UEVLD: variants seen among roughly 807,000 people sequenced by gnomAD.
UEVLD encodes the protein UEV and lactate/malate dehyrogenase domains.
Under a neutral mutation model 58.6 loss-of-function variants are expected in UEVLD, and 47 were observed. That is an observed-to-expected ratio of 0.80 (90% CI 0.63 to 1.02). UEVLD has a LOEUF of 1.02. Among genes scored for constraint, UEVLD ranks in the 50% least tolerant of loss-of-function variants. UEVLD has a pLI of 0.00. For synonymous variants in UEVLD, 197 were observed against 195.3 expected (o/e 1.01, Z -0.07); for missense variants, 510 against 550.6 (o/e 0.93, Z 0.74).
intron 6 of UEVLD, chr11:18,564,132 T>A (rs1049738716): frequency 2.3e-5 from 4 of 171,216 alleles, no homozygotes; most frequent in African/African-American, 9.4e-5. Context: ...TCTAGCTCCA[T>A]GGATATAATT....
chr11:18,571,262 G>A (rs1429700833), intron 3 of UEVLD, among the ~76,000 whole-genome samples: 1 of 152,048 alleles, frequency 6.6e-6, no homozygotes, highest in Non-Finnish European at 1.5e-5. Flanking sequence ...CACAAGAATG[G>A]CTTGAACTCA....
Position 18,530,277 on chromosome 11 carries a change from T to C in UEVLD, c.*2043A>G, listed in dbSNP as rs1850515167. ...AACTAATTCACGTGCATATTGAAAT[T>C]AGATAGAACTAAATGCTTTTCTCTT... On this transcript the variant is annotated 3_prime_UTR_variant, in exon 12 of 12. Coordinates refer to ENST00000396197, the MANE Select transcript of UEVLD (RefSeq NM_001040697.4). 1 of 152,224 alleles carries C rather than the reference T, an allele frequency of 6.6e-6. No individual in the cohort carries two copies. Among genetic ancestry groups the C allele is most frequent in the African/African-American group, 2.4e-5 (1 of 41,470 alleles). 9.4% of individuals were successfully genotyped at this position (152,224 alleles called of 1,614,324 possible).
intron 9 of UEVLD, among the ~76,000 whole-genome samples, chr11:18,538,031 T>C (rs1159729571): frequency 6.6e-6 from 1 of 152,258 alleles, no homozygotes; most frequent in Admixed American, 6.5e-5. Context: ...CTGTTTCTCA[T>C]CTGTGTGAAG....
chr11:18,549,813 T>C (rs968967648), intron 7 of UEVLD, among the ~76,000 whole-genome samples: 6 of 151,972 alleles, frequency 3.9e-5, no homozygotes, highest in Non-Finnish European at 7.4e-5. Flanking sequence ...TCTGAGTTTA[T>C]TTTTTATTTA....
rs2133944739 is a variant in UEVLD at position 18,531,359 on chromosome 11, T to C, written c.*961A>G. 1 of 152,352 alleles carries C rather than the reference T, an allele frequency of 6.6e-6. No individual in the cohort carries two copies. The highest frequency in any genetic ancestry group is 1.5e-5 in the Non-Finnish European group (1 of 68,030). The allele number at this position is 152,352 out of a possible 1,614,324, so 9.4% of individuals were successfully genotyped here. A position where few individuals can be genotyped will look rare whatever the true frequency, so the allele number is the denominator to read the frequency against. ...TGATGTTAACTGTTACTATTAGTTG[T>C]ATGTCACAATAGTAATAATAAGCTA... On this transcript the variant is annotated 3_prime_UTR_variant, in exon 12 of 12. Coordinates refer to ENST00000396197, the MANE Select transcript of UEVLD (RefSeq NM_001040697.4).
rs767138440 is a variant in UEVLD at position 18,564,956 on chromosome 11, T to C, written c.548A>G (p.Asn183Ser). The stretch of plus-strand genomic sequence containing the variant: ...TCCACCTCCAACCACAGTAATTTTA[T>C]TGACTGTTTTATTCTCATGATTTGC... ...SWANHENKTV[N>S]KITVVGGGEL... is the part of the protein sequence containing the mutation. The change falls in exon 6 of 12, where the codon AAT becomes AGT. Residue 183 changes from asparagine to serine, a missense_variant. Transcript: ENST00000396197. 7 of 1,613,814 alleles carry C rather than the reference T, an allele frequency of 4.3e-6. No individual in the cohort carries two copies. The highest frequency in any genetic ancestry group is 5.1e-6 in the Non-Finnish European group (6 of 1,179,940).
intron 1 of UEVLD, among the ~76,000 whole-genome samples, chr11:18,584,214 T>C (rs1353579239): frequency 3.9e-5 from 6 of 152,070 alleles, no homozygotes; most frequent in African/African-American, 1.4e-4. Context: ...ACACTGTCTC[T>C]ACAAAAATAA....
intron 10 of UEVLD, 106 bp from the exon 11 acceptor site, chr11:18,534,559 G>T: frequency 8.4e-7 from 1 of 1,196,002 alleles, no homozygotes; most frequent in African/African-American, 1.6e-5. Context: ...AGAAACAAGA[G>T]TTATGCAGCA....
intron 6 of UEVLD, chr11:18,564,003 TAAAA>T (rs34386323): frequency 0.018 from 2,725 of 154,224 alleles, 1 homozygote; most frequent in South Asian, 0.034. Flanking sequence ...AGACTCCACC[TAAAA>T]AAAAAAAAAA....
chr11:18,540,144 T>C (rs1230362142), intron 9 of UEVLD, among the ~76,000 whole-genome samples: 1 of 152,184 alleles, frequency 6.6e-6, no homozygotes, highest in Non-Finnish European at 1.5e-5. Flanking sequence ...AGAGCACAGC[T>C]TCAGAGTCAG....
chr11:18,581,770 T>G (rs1175373463), intron 1 of UEVLD, among the ~76,000 whole-genome samples: 1 of 152,064 alleles, frequency 6.6e-6, no homozygotes, highest in Non-Finnish European at 1.5e-5. Context: ...TATAAACAAC[T>G]TGAGAGCAGG....
In UEVLD at chr11:18,532,316, AG is replaced by A. The variant is rs756263934; in HGVS notation, c.*3del. On this transcript the variant is annotated 3_prime_UTR_variant, in exon 12 of 12. Transcript: ENST00000396197. ...AGTCCAGCCTCTCAAATTGCATTTG[AG>A]AATCAAAGTTTTAACTGTTGTTGGA... The A allele has an allele frequency of 6.3e-7, 1 of 1,592,322 alleles. No individual in the cohort carries two copies. Among genetic ancestry groups the A allele is most frequent in the South Asian group, 1.2e-5 (1 of 86,832 alleles).
chr11:18,577,698 C>A (rs1852990017), intron 2 of UEVLD, among the ~76,000 whole-genome samples: 1 of 151,850 alleles, frequency 6.6e-6, no homozygotes, highest in Non-Finnish European at 1.5e-5. Context: ...GGTGAAACCC[C>A]ATCTCTACTA....
chr11:18,561,068 T>C (rs557034662), intron 6 of UEVLD, among the ~76,000 whole-genome samples: 1 of 152,174 alleles, frequency 6.6e-6, no homozygotes, highest in Non-Finnish European at 1.5e-5. Flanking sequence ...GGATTATGCA[T>C]TGCTAGCAAG....
At chr11:18,584,070 T>C (rs1478427518) in intron 1 of UEVLD, among the ~76,000 whole-genome samples, 4 of 152,148 alleles carry the variant, frequency 2.6e-5, no homozygotes, top group Non-Finnish European at 1.5e-5. Flanking sequence ...ATGTAACACT[T>C]AATATAAACG....
At chr11:18,566,926 C>T (rs534606688) in intron 4 of UEVLD, among the ~76,000 whole-genome samples, 3 of 152,228 alleles carry the variant, frequency 2.0e-5, no homozygotes, top group South Asian at 4.1e-4. Flanking sequence ...TTTAACTTTT[C>T]ATTTTGAAAT....
At chr11:18,534,773 T>C (rs1227561690) in intron 10 of UEVLD, among the ~76,000 whole-genome samples, 1 of 152,214 alleles carries the variant, frequency 6.6e-6, no homozygotes, top group African/African-American at 2.4e-5. Context: ...GACTGATAAC[T>C]AATTTGGAGA....
intron 9 of UEVLD, among the ~76,000 whole-genome samples, chr11:18,539,776 A>G (rs1040504490): frequency 1.3e-5 from 2 of 152,212 alleles, no homozygotes; most frequent in African/African-American, 4.8e-5. Context: ...ACCATTCAGT[A>G]AACTGCAAGT....
chr11:18,585,256 TTGTG>T (rs1853487920), intron 1 of UEVLD, among the ~76,000 whole-genome samples: 1 of 152,176 alleles, frequency 6.6e-6, no homozygotes, highest in South Asian at 2.1e-4. Flanking sequence ...TGTCTCTTAT[TTGTG>T]TATTATTTTA....
Sources: gnomAD v4.1 joint callset for allele counts (sites outside exome capture counted in the v4.1 genomes callset) on GRCh38, gnomAD v4.1.1 for gene constraint, MANE v1.5 for transcripts, NCBI Gene and HGNC (gene_info 2026-07-23, HGNC 2026-07-21) for gene names.